GPHN: variants seen among roughly 807,000 people sequenced by gnomAD.
The protein encoded by GPHN is gephyrin.
GPHN carries 17 observed loss-of-function variants against 95.5 expected under a neutral mutation model. That is an observed-to-expected ratio of 0.18 (90% CI 0.12 to 0.27). GPHN has a LOEUF of 0.27. GPHN is among the 10% of genes least tolerant of loss of function. The pLI is 1.00. For missense variants in GPHN, 660 were observed against 978.1 expected (o/e 0.67, Z 4.34); for synonymous variants, 320 against 322.5 (o/e 0.99, Z 0.08).
intron 13 of GPHN, among the ~76,000 whole-genome samples, chr14:67,108,682 G>T (rs1008480816): frequency 6.9e-6 from 1 of 145,916 alleles, no homozygotes; most frequent in African/African-American, 2.5e-5. Flanking sequence ...CAGTAGTAAG[G>T]TATTTTTTTT....
chr14:67,373,544 C>G, the GPHN span, among the ~76,000 whole-genome samples: 1 of 152,196 alleles, frequency 6.6e-6, no homozygotes, highest in Non-Finnish European at 1.5e-5. Flanking sequence ...ATGCTGTCCT[C>G]CAGTATTGAG....
chr14:67,391,454 G>A, the GPHN span, among the ~76,000 whole-genome samples: 1 of 151,972 alleles, frequency 6.6e-6, no homozygotes, highest in East Asian at 1.9e-4. Context: ...ACTCCTATCA[G>A]GCCCAGCAGA....
At chr14:66,934,137 T>C (rs983826904) in intron 8 of GPHN, among the ~76,000 whole-genome samples, 5 of 84,380 alleles carry the variant, frequency 5.9e-5, no homozygotes, top group Admixed American at 1.4e-4. Context: ...AGACTCTGTC[T>C]CAAAAAAAAA....
intron 1 of GPHN, among the ~76,000 whole-genome samples, chr14:66,628,904 T>C (rs1489728567): frequency 6.6e-6 from 1 of 150,400 alleles, no homozygotes; most frequent in African/African-American, 2.4e-5. Flanking sequence ...TACAAAAAAA[T>C]AATTTAAAAA....
At chr14:67,256,776 C>T in the GPHN span, among the ~76,000 whole-genome samples, 2 of 147,250 alleles carry the variant, frequency 1.4e-5, no homozygotes, top group Non-Finnish European at 3.0e-5. Flanking sequence ...AGTAGGAGGA[C>T]GAAGTGTTCC....
At chr14:67,712,530 G>A in the GPHN span, among the ~76,000 whole-genome samples, 1 of 140,910 alleles carries the variant, frequency 7.1e-6, no homozygotes, top group Admixed American at 7.1e-5. Context: ...CAAGGTTTTG[G>A]GTGAGAAAAA....
At chr14:66,727,767 A>C (rs898992009) in intron 2 of GPHN, among the ~76,000 whole-genome samples, 2 of 152,196 alleles carry the variant, frequency 1.3e-5, no homozygotes, top group Admixed American at 6.5e-5. Context: ...AGAACATAAA[A>C]GTTTGGAAAA....
At chr14:66,846,756 G>A (rs765714719) in intron 4 of GPHN, among the ~76,000 whole-genome samples, 3 of 152,032 alleles carry the variant, frequency 2.0e-5, no homozygotes, top group Non-Finnish European at 4.4e-5. Flanking sequence ...CTAAAACTAG[G>A]CTTATTAGTT....
At chr14:67,591,676 T>C in the GPHN span, 1 of 152,142 alleles carries the variant, frequency 6.6e-6, no homozygotes, top group Non-Finnish European at 1.5e-5. Context: ...GGACCACAGA[T>C]GTGCACCACC....
chr14:66,968,345 C>T (rs1405418571), intron 9 of GPHN, among the ~76,000 whole-genome samples: 1 of 151,916 alleles, frequency 6.6e-6, no homozygotes, highest in African/African-American at 2.4e-5. Context: ...TGTGAGACAA[C>T]CAAGGAGTGA....
intron 1 of GPHN, among the ~76,000 whole-genome samples, chr14:66,528,870 A>G (rs759945656): frequency 2.6e-5 from 4 of 151,932 alleles, no homozygotes; most frequent in Non-Finnish European, 5.9e-5. Context: ...GGATAACCCG[A>G]CCTTTCTCTC....
At chr14:67,195,713 TTGTGTGTGTGTGTGTGTGTG>T in the GPHN span, among the ~76,000 whole-genome samples, 4 of 143,344 alleles carry the variant, frequency 2.8e-5, no homozygotes, top group South Asian at 2.3e-4. Context: ...TTCTTTTTGG[TTGTGTGTGTGTGTGTGTGTG>T]TGTGTGTGTG....
rs148888457 is a variant in GPHN at position 66,786,174 on chromosome 14, CA to C, written c.201+9655del. On this transcript the variant is annotated intron_variant, in intron 3 of 22. Transcript: ENST00000478722. The stretch of plus-strand genomic sequence containing the variant: ...TTGCAAAGATAAAGGAGAAAGGGCA[CA>C]ATCACCAATGTCATGAATAAAACAA... 5.4e-4 allele frequency among the ~76,000 whole-genome samples: 82 copies of C among 152,166 alleles called. 3 individuals are homozygous for C. Among genetic ancestry groups the C allele is most frequent in the African/African-American group, 1.9e-3 (80 of 41,542 alleles).
At chr14:66,831,895 C>A (rs568089988) in intron 4 of GPHN, among the ~76,000 whole-genome samples, 1 of 152,102 alleles carries the variant, frequency 6.6e-6, no homozygotes, top group Non-Finnish European at 1.5e-5. Flanking sequence ...GCCTGTAATC[C>A]CAGCCCTTTG....
chr14:67,431,421 A>AC, the GPHN span, among the ~76,000 whole-genome samples: 1 of 137,412 alleles, frequency 7.3e-6, no homozygotes, highest in Non-Finnish European at 1.6e-5. Context: ...AAAAAAAAAA[A>AC]CGGTTTAGTG....
the GPHN span, chr14:67,364,713 T>A: frequency 5.3e-6 from 8 of 1,511,978 alleles, no homozygotes; most frequent in Non-Finnish European, 7.1e-6. Context: ...ATTGATTTTT[T>A]TTTTATTTTC....
chr14:66,857,556 A>G (rs764975668), intron 4 of GPHN, among the ~76,000 whole-genome samples: 5 of 152,210 alleles, frequency 3.3e-5, no homozygotes, highest in Non-Finnish European at 7.3e-5. Context: ...TTTATTAAGC[A>G]AAATATCTTT....
the GPHN span, among the ~76,000 whole-genome samples, chr14:67,202,265 G>GC: frequency 9.3e-4 from 142 of 152,086 alleles, 1 homozygote; most frequent in Admixed American, 3.1e-3. Flanking sequence ...ACATGGTGAA[G>GC]CCCCGTCTCT....
intron 4 of GPHN, among the ~76,000 whole-genome samples, chr14:66,872,231 G>C (rs899245873): frequency 7.2e-5 from 11 of 152,138 alleles, no homozygotes; most frequent in Non-Finnish European, 1.6e-4. Context: ...TTGAAGAGTA[G>C]CATTCTACTT....
Sources: allele counts gnomAD v4.1 joint callset (sites outside exome capture counted in the v4.1 genomes callset), GRCh38; gene constraint gnomAD v4.1.1; transcripts MANE v1.5; gene names NCBI Gene and HGNC (gene_info 2026-07-23, HGNC 2026-07-21).